Variants in DLG3 observed in about 807,000 individuals in gnomAD.
The protein encoded by DLG3 is discs large MAGUK scaffold protein 3.
In DLG3, 1 loss-of-function variant was observed where a neutral mutation model predicts 64.1. That is an observed-to-expected ratio of 0.02 (90% CI 0.01 to 0.07). The LOEUF (loss-of-function observed/expected upper bound fraction) is 0.07, where lower values mean the gene tolerates loss of function less well. Among genes scored for constraint, DLG3 ranks in the 10% least tolerant of loss-of-function variants. The probability of loss-of-function intolerance (pLI) is 1.00; values close to 1 mark genes in which losing one functional copy is unlikely to be tolerated. For missense variants in DLG3, 429 were observed against 669.5 expected (o/e 0.64, Z 3.96); for synonymous variants, 245 against 259.8 (o/e 0.94, Z 0.55).
intron 10 of DLG3, among the ~76,000 whole-genome samples, chrX:70,481,580 C>T (rs897281257): frequency 6.2e-5 from 7 of 112,137 alleles, no homozygotes; most frequent in African/African-American, 2.3e-4. Flanking sequence ...GGAGTACTTG[C>T]TGCTGCTTCA....
rs1231306681 is a variant in DLG3, at chrX:70,453,437, G to A, written c.1146-200G>A. On this transcript the variant is annotated intron_variant, in intron 7 of 18. Transcript: ENST00000374360. ...ACTGCAAGCCCTCGGGAAGAAGGGAGGGAAGAGGAACTGAAACTTGGCACC... is the reference window on the plus strand; with the variant it reads ...ACTGCAAGCCCTCGGGAAGAAGGGAAGGAAGAGGAACTGAAACTTGGCACC... 6.4e-5 allele frequency: 32 copies of A among 500,673 alleles called. No individual in the cohort carries two copies. In the East Asian group the frequency reaches 1.3e-3, roughly 20 times the overall value. The allele number at this position is 500,673 out of a possible 1,213,427, so 41.3% of individuals were successfully genotyped here.
At position 70,445,348 on chromosome X, in the gene DLG3, G is replaced by T; in HGVS notation, c.147G>T (p.Ala49=). ...CAGGTGGGGGCAACGGCGCCAGCGC[G>T]GGTTATGGGGGCTACAGCTCGCAGA... ...YGPGGGNGAS[A]GYGGYSSQTL... is the part of the protein sequence containing the mutation. Residue 49 remains alanine (A), a synonymous_variant, in exon 1 of 19, where the codon GCG becomes GCT. Coordinates refer to ENST00000374360, the MANE Select transcript of DLG3 (RefSeq NM_021120.4). 8.5e-7 allele frequency: 1 copy of T among 1,171,457 alleles called. No individual in the cohort carries two copies. Among genetic ancestry groups the T allele is most frequent in the Non-Finnish European group, 1.1e-6 (1 of 876,522 alleles).
At chrX:70,491,304 C>T (rs1427794256) in intron 10 of DLG3, among the ~76,000 whole-genome samples, 1 of 112,051 alleles carries the variant, frequency 8.9e-6, no homozygotes, top group Non-Finnish European at 1.9e-5. Flanking sequence ...TGCTTCAGAC[C>T]TTTATTTCCA....
intron 10 of DLG3, among the ~76,000 whole-genome samples, chrX:70,488,128 C>T: frequency 1.8e-5 from 2 of 110,233 alleles, no homozygotes. Flanking sequence ...TCTCCTGCCT[C>T]AGCCTCCCGA....
rs192143777 is a variant in DLG3, at chrX:70,482,169, T to C, written c.1520+2905T>C. Among the ~76,000 whole-genome samples, 11 of 112,487 alleles carry C rather than the reference T, an allele frequency of 9.8e-5. No individual in the cohort carries two copies. In the East Asian group the frequency reaches 3.1e-3, roughly 31 times the overall value. On this transcript the variant is annotated intron_variant, in intron 10 of 18. Coordinates refer to ENST00000374360, the MANE Select transcript of DLG3 (RefSeq NM_021120.4). ...TGATTAAAACTGTCTGAAAATGGAA[T>C]GGACTGCTTCCGGATATAGTAAATT...
rs1449023273 is a variant in DLG3 at position 70,450,697 on chromosome X, A to G, written c.899A>G (p.Asn300Ser). The G allele has an allele frequency of 8.3e-7, 1 of 1,211,469 alleles. No homozygotes were observed. Residue 300 changes from asparagine (N) to serine (S), a missense_variant, in exon 6 of 19, where the codon AAC becomes AGC. Asn to Ser is a conservative substitution (Grantham distance 46, BLOSUM62 1). Around this residue, in one of 9 missense-constraint regions of DLG3, gnomAD observed 73 missense variants for 158.5 expected, o/e 0.46. Coordinates refer to ENST00000374360, the MANE Select transcript of DLG3 (RefSeq NM_021120.4). ...RHEEAVASLK[N>S]TSDMVYLKVA... ...GAGGAAGCTGTGGCCTCACTGAAGAACACATCTGATATGGTGTATTTGAAG... is the reference window on the plus strand; with the variant it reads ...GAGGAAGCTGTGGCCTCACTGAAGAGCACATCTGATATGGTGTATTTGAAG...
At chrX:70,483,296 T>C (rs1252389065) in intron 10 of DLG3, among the ~76,000 whole-genome samples, 1 of 112,090 alleles carries the variant, frequency 8.9e-6, no homozygotes, top group African/African-American at 3.2e-5. Context: ...TAAAAAATTA[T>C]AAAAAATAAA....
At chrX:70,477,061 T>G (rs1009092081) in intron 9 of DLG3, among the ~76,000 whole-genome samples, 1 of 113,200 alleles carries the variant, frequency 8.8e-6, no homozygotes, top group South Asian at 3.6e-4. Flanking sequence ...CCCAGAATTA[T>G]CAGCCTTGGA....
rs1207001317 is a variant in DLG3, at chrX:70,498,500, ATC to A, written c.1820-14_1820-13del. 6 of 1,206,516 alleles carry A rather than the reference ATC, an allele frequency of 5.0e-6. No homozygotes were observed. The highest frequency in any genetic ancestry group is 6.7e-6 in the Non-Finnish European group (6 of 891,975). ...GAGGCAGATCATATGGTGCTAACCT[ATC>A]TCTCTTTTTTGTTGCAGAAGGACAA... On this transcript the variant is annotated intron_variant, in intron 13 of 18. Transcript: ENST00000374360.
Position 70,468,356 on chromosome X carries a change from C to T in DLG3, c.1406-10794C>T, listed in dbSNP as rs189702857. Among the ~76,000 whole-genome samples, 220 of 111,997 alleles carry T rather than the reference C, an allele frequency of 2.0e-3. 1 individual carries two copies. The highest frequency in any genetic ancestry group is 6.9e-3 in the African/African-American group (213 of 30,851). Reference sequence around the variant, plus strand: ...AAGTGCTGGGATTACAGGAGTGAGCCACGCGGCACCTGGCCTAGTATAGCA... The same window carrying T: ...AAGTGCTGGGATTACAGGAGTGAGCTACGCGGCACCTGGCCTAGTATAGCA... On this transcript the variant is annotated intron_variant, in intron 9 of 18. Transcript: ENST00000374360.
chrX:70,482,772 G>A (rs1160737450), intron 10 of DLG3, among the ~76,000 whole-genome samples: 1 of 101,028 alleles, frequency 9.9e-6, no homozygotes, highest in South Asian at 4.9e-4. Flanking sequence ...CTGGGTTCAC[G>A]CCATTCTGCC....
At chrX:70,483,701 G>A (rs1332298592) in intron 10 of DLG3, among the ~76,000 whole-genome samples, 1 of 112,571 alleles carries the variant, frequency 8.9e-6, no homozygotes, top group Non-Finnish European at 1.9e-5. Context: ...GGGGACGTGG[G>A]GTTTGTAGAG....
At chrX:70,458,816 C>T (rs944650513) in intron 9 of DLG3, among the ~76,000 whole-genome samples, 4 of 112,483 alleles carry the variant, frequency 3.6e-5, no homozygotes, top group African/African-American at 6.5e-5. Flanking sequence ...TTGCTCTAAA[C>T]GGTTATGGAC....
intron 9 of DLG3, among the ~76,000 whole-genome samples, chrX:70,478,584 GGTTT>G (rs1417179028): frequency 1.8e-5 from 2 of 111,654 alleles, no homozygotes; most frequent in African/African-American, 3.3e-5. Flanking sequence ...ACGGTTGTGA[GGTTT>G]GTTTGTTTTT....
rs1298410403 is a variant in DLG3 at position 70,492,278 on chromosome X, G to A, written c.1692G>A (p.Lys564=). The change falls in exon 11 of 19, where the codon AAG becomes AAA. Residue 564 remains lysine (K), a synonymous_variant. Coordinates refer to ENST00000374360, the MANE Select transcript of DLG3 (RefSeq NM_021120.4). ...ESEQIGVIPS[K]KRVEKKERAR... ...AGCAGATCGGTGTGATCCCCAGTAA[G>A]AAGAGGTGAGTCGTCATGATCATGA... The A allele has an allele frequency of 8.3e-7, 1 of 1,209,646 alleles. No homozygotes were observed. The highest frequency in any genetic ancestry group is 1.1e-6 in the Non-Finnish European group (1 of 895,147).
Position 70,471,209 on chromosome X carries a change from A to G in DLG3, c.1406-7941A>G, listed in dbSNP as rs1225681900. Among the ~76,000 whole-genome samples, 7 of 111,513 alleles carry G rather than the reference A, an allele frequency of 6.3e-5. No homozygotes were observed. The Admixed American group carries it at 6.7e-4, about 11-fold the overall frequency. On this transcript the variant is annotated intron_variant, in intron 9 of 18. Transcript: ENST00000374360. ...CATCAAGGAGCTTATATTTTAGTAA[A>G]TGACATCACCACTAATTCTGAGCAC...
intron 9 of DLG3, among the ~76,000 whole-genome samples, chrX:70,459,821 T>G (rs2086771840): frequency 9.0e-6 from 1 of 111,464 alleles, no homozygotes; most frequent in Non-Finnish European, 1.9e-5. Context: ...CACACAAGTC[T>G]GTAAGGGACA....
intron 9 of DLG3, among the ~76,000 whole-genome samples, chrX:70,475,869 T>C (rs1443043691): frequency 8.9e-6 from 1 of 112,038 alleles, no homozygotes; most frequent in Non-Finnish European, 1.9e-5. Context: ...GCAATTGTAT[T>C]ACCAAGTTTT....
chrX:70,455,182 C>A, intron 9 of DLG3: 1 of 754,183 alleles, frequency 1.3e-6, no homozygotes, highest in African/African-American at 2.3e-5. Context: ...GCTTTGTGTC[C>A]GTGGTCTCCC....
Sources: allele counts gnomAD v4.1 joint callset (sites outside exome capture counted in the v4.1 genomes callset), GRCh38; gene constraint gnomAD v4.1.1; regional missense constraint gnomAD v4.1.1; transcripts MANE v1.5; gene names NCBI Gene and HGNC (gene_info 2026-07-23, HGNC 2026-07-21).